SMPD3: variants seen among roughly 807,000 people sequenced by gnomAD.
SMPD3 encodes the protein sphingomyelin phosphodiesterase 3.
Under a neutral mutation model 55.7 loss-of-function variants are expected in SMPD3, and 21 were observed. The observed-to-expected ratio is 0.38, with a 90% confidence interval of 0.27 to 0.54. SMPD3 has a LOEUF of 0.54. SMPD3 is among the 20% of genes least tolerant of loss of function. SMPD3 has a pLI of 0.80. For synonymous variants in SMPD3, 457 were observed against 404.3 expected, an observed-to-expected ratio of 1.13 and a Z score of -1.56; for missense variants, 842 against 899.6, an observed-to-expected ratio of 0.94 and a Z score of 0.82.
At chr16:68,392,104 C>A (rs958003241) in intron 1 of SMPD3, among the ~76,000 whole-genome samples, 2 of 152,148 alleles carry the variant, frequency 1.3e-5, no homozygotes, top group African/African-American at 4.8e-5. Flanking sequence ...GTGGGCCAGG[C>A]CGGCCTCGAA....
At chr16:68,446,009 G>A (rs538308450) in intron 1 of SMPD3, among the ~76,000 whole-genome samples, 1 of 152,290 alleles carries the variant, frequency 6.6e-6, no homozygotes, top group East Asian at 1.9e-4. Flanking sequence ...TGACTGACCA[G>A]CAACGTCAGC....
rs2090616692 is a variant in SMPD3, at chr16:68,447,169, T to A, written c.-269+1184A>T. On this transcript the variant is annotated intron_variant, in intron 1 of 8. Transcript: ENST00000219334. The surrounding 1 kb of genome is among the most constrained non-coding windows in gnomAD (Gnocchi z 5.1). ...GCCGCTTTGTCCTCTCGAGGATGCC[T>A]GGGCCGAGCGCGAAAGCCCCATGCC... Among the ~76,000 whole-genome samples the A allele has an allele frequency of 6.6e-6, 1 of 152,058 alleles. No individual in the cohort carries two copies. The highest frequency in any genetic ancestry group is 1.9e-4 in the East Asian group (1 of 5,158).
intron 2 of SMPD3, among the ~76,000 whole-genome samples, chr16:68,381,081 G>C (rs1373400889): frequency 6.6e-6 from 1 of 152,208 alleles, no homozygotes; most frequent in African/African-American, 2.4e-5. Flanking sequence ...ACCTTAAGAA[G>C]CAAGTGAGTG....
At chr16:68,411,909 T>G (rs2090304669) in intron 1 of SMPD3, among the ~76,000 whole-genome samples, 1 of 150,872 alleles carries the variant, frequency 6.6e-6, no homozygotes, top group East Asian at 2.0e-4. Flanking sequence ...AATCCAGGAG[T>G]CTGGATCAGC....
intron 1 of SMPD3, among the ~76,000 whole-genome samples, chr16:68,405,545 C>CAAA (rs67518521): frequency 4.2e-4 from 31 of 72,972 alleles, no homozygotes; most frequent in African/African-American, 1.0e-3. Flanking sequence ...GACCCTGTCT[C>CAAA]AAAAAAAAAA....
At chr16:68,403,516 T>C (rs1040146024) in intron 1 of SMPD3, among the ~76,000 whole-genome samples, 2 of 152,372 alleles carry the variant, frequency 1.3e-5, no homozygotes, top group Admixed American at 6.5e-5. Flanking sequence ...TACTTCTTGA[T>C]GTCAGGAAGG....
intron 2 of SMPD3, among the ~76,000 whole-genome samples, chr16:68,384,889 C>G (rs11861362): frequency 0.28 from 42,168 of 152,018 alleles, 6,774 homozygotes; most frequent in African/African-American, 0.43. Flanking sequence ...GCCAGAATGG[C>G]CTCATCTGAG....
At chr16:68,380,728 A>G (rs892913698) in intron 2 of SMPD3, among the ~76,000 whole-genome samples, 1 of 152,266 alleles carries the variant, frequency 6.6e-6, no homozygotes, top group Non-Finnish European at 1.5e-5. Flanking sequence ...TTAATGGTTC[A>G]TGAGCCTAAC....
At chr16:68,431,365 G>A (rs1235737852) in intron 1 of SMPD3, among the ~76,000 whole-genome samples, 1 of 152,176 alleles carries the variant, frequency 6.6e-6, no homozygotes, top group Non-Finnish European at 1.5e-5. Context: ...AGAGTCTAGG[G>A]ACTTTTTCTG....
chr16:68,431,662 C>T (rs928333771), intron 1 of SMPD3, among the ~76,000 whole-genome samples: 7 of 152,230 alleles, frequency 4.6e-5, no homozygotes, highest in African/African-American at 7.2e-5. Flanking sequence ...TGGCTCACGC[C>T]TGTAATCCCA....
intron 1 of SMPD3, among the ~76,000 whole-genome samples, chr16:68,426,440 G>A (rs150079119): frequency 5.1e-4 from 78 of 152,232 alleles, no homozygotes; most frequent in Non-Finnish European, 1.0e-3. Context: ...AGCTTCTGTG[G>A]GTCTCCCCAC....
intron 1 of SMPD3, among the ~76,000 whole-genome samples, chr16:68,418,421 A>G (rs1042638087): frequency 1.3e-5 from 2 of 152,206 alleles, no homozygotes; most frequent in Admixed American, 1.3e-4. Context: ...TTTAACCAAG[A>G]CGATGCAAAT....
chr16:68,396,381 C>A (rs1372674888), intron 1 of SMPD3, among the ~76,000 whole-genome samples: 1 of 152,202 alleles, frequency 6.6e-6, no homozygotes, highest in Non-Finnish European at 1.5e-5. Context: ...CTCTTTCTCC[C>A]ACTGATTTGA....
intron 1 of SMPD3, among the ~76,000 whole-genome samples, chr16:68,443,825 T>C (rs1401694606): frequency 6.6e-6 from 1 of 152,218 alleles, no homozygotes; most frequent in East Asian, 1.9e-4. Context: ...ATTTCTGTAA[T>C]AGCAATAGGG....
intron 1 of SMPD3, among the ~76,000 whole-genome samples, chr16:68,387,125 G>T (rs935784519): frequency 6.6e-6 from 1 of 152,126 alleles, no homozygotes; most frequent in African/African-American, 2.4e-5. Context: ...AAGATACTGA[G>T]GGTAGGGGAG....
rs74955399 is a variant in SMPD3 at position 68,363,577 on chromosome 16, G to T, written c.1646-18C>A. Reference sequence around the variant, plus strand: ...CAGAGTACCTGGGGGGGACGAGGGGGTGACAGTGGTCGCTGCAGGCAGGGC... The same window carrying T: ...CAGAGTACCTGGGGGGGACGAGGGGTTGACAGTGGTCGCTGCAGGCAGGGC... On this transcript the variant is annotated intron_variant, in intron 6 of 8. Coordinates refer to ENST00000219334, the MANE Select transcript of SMPD3 (RefSeq NM_018667.4). The T allele has an allele frequency of 2.5e-6, 4 of 1,610,552 alleles. No individual in the cohort carries two copies. The highest frequency in any genetic ancestry group is 3.4e-6 in the Non-Finnish European group (4 of 1,178,256).
intron 2 of SMPD3, among the ~76,000 whole-genome samples, chr16:68,379,899 T>C (rs998439066): frequency 2.0e-5 from 3 of 152,110 alleles, no homozygotes; most frequent in Admixed American, 1.3e-4. Context: ...GGAAAGCAAA[T>C]CTCAAGCCAG....
Position 68,359,675 on chromosome 16 carries a change from C to T in SMPD3, c.*1531G>A, listed in dbSNP as rs2089120231. On this transcript the variant is annotated 3_prime_UTR_variant, in exon 9 of 9. Transcript: ENST00000219334. ...TCCAGCCTCACCAGGCAAAGCCGGC[C>T]CTGGGCCAGGCTGGGTGTAGGGCCA... 1 of 152,668 alleles carries T rather than the reference C, an allele frequency of 6.6e-6. No homozygotes were observed. The highest frequency in any genetic ancestry group is 2.1e-4 in the South Asian group (1 of 4,804). 9.5% of individuals were successfully genotyped at this position (152,668 alleles called of 1,614,324 possible).
chr16:68,411,289 G>A (rs1253228340), intron 1 of SMPD3, among the ~76,000 whole-genome samples: 2 of 152,248 alleles, frequency 1.3e-5, no homozygotes, highest in African/African-American at 4.8e-5. Context: ...TTGGCACTTG[G>A]GTGCTGTTGC....
Sources: allele counts gnomAD v4.1 joint callset (sites outside exome capture counted in the v4.1 genomes callset), GRCh38; gene constraint gnomAD v4.1.1; non-coding constraint Gnocchi (gnomAD v3.1); transcripts MANE v1.5; gene names NCBI Gene and HGNC (gene_info 2026-07-23, HGNC 2026-07-21).